The following TMCC1 variants were observed in gnomAD, a reference collection of about 807,000 sequenced individuals.
TMCC1 encodes transmembrane and coiled-coil domains protein 1.
TMCC1 carries 15 observed loss-of-function variants against 52.4 expected under a neutral mutation model. That is an observed-to-expected ratio of 0.29 (90% CI 0.19 to 0.44). TMCC1 has a LOEUF of 0.44. Among genes scored for constraint, TMCC1 ranks in the 20% least tolerant of loss-of-function variants. The probability of loss-of-function intolerance (pLI) is 1.00; values close to 1 mark genes in which losing one functional copy is unlikely to be tolerated. For missense variants in TMCC1, 503 were observed against 806.0 expected, an observed-to-expected ratio of 0.62 and a Z score of 4.55; for synonymous variants, 279 against 301.9, an observed-to-expected ratio of 0.92 and a Z score of 0.79.
At chr3:129,882,755 T>C (rs1418226958) in intron 1 of TMCC1, among the ~76,000 whole-genome samples, 1 of 152,146 alleles carries the variant, frequency 6.6e-6, no homozygotes, top group Non-Finnish European at 1.5e-5. Flanking sequence ...TTATATTAAG[T>C]GACAGGAGAC....
intron 1 of TMCC1, chr3:129,892,822 T>C (rs1254473107): frequency 1.3e-5 from 2 of 152,170 alleles, no homozygotes; most frequent in Non-Finnish European, 2.9e-5. Context: ...TCGCAAGCTA[T>C]AAACGAATCT....
At chr3:129,765,364 A>C (rs1229241593) in intron 4 of TMCC1, among the ~76,000 whole-genome samples, 1 of 152,062 alleles carries the variant, frequency 6.6e-6, no homozygotes, top group African/African-American at 2.4e-5. Flanking sequence ...TGAGTAGAAA[A>C]ATGCTTTTAA....
chr3:129,682,373 C>A (rs1292794746), intron 4 of TMCC1, among the ~76,000 whole-genome samples: 1 of 152,120 alleles, frequency 6.6e-6, no homozygotes, highest in Admixed American at 6.5e-5. Context: ...AAATGAAATA[C>A]TCAAATAATG....
chr3:129,880,451 G>A lies in TMCC1; in HGVS notation c.-326C>T, dbSNP rs2061409585. ...TATGAAAAAGAGATCCAATCTGGGAGGATGGACACTGTGTCTTCTAAATCT... is the reference window on the plus strand; with the variant it reads ...TATGAAAAAGAGATCCAATCTGGGAAGATGGACACTGTGTCTTCTAAATCT... On this transcript the variant is annotated 5_prime_UTR_variant, in exon 2 of 7. Coordinates refer to ENST00000393238, the MANE Select transcript of TMCC1 (RefSeq NM_001017395.5). The A allele has an allele frequency of 6.6e-6, 1 of 152,206 alleles. No homozygotes were observed. The highest frequency in any genetic ancestry group is 2.4e-5 in the African/African-American group (1 of 41,452). 9.4% of individuals were successfully genotyped at this position (152,206 alleles called of 1,614,324 possible).
rs758140069 is a variant in TMCC1 at position 129,670,678 on chromosome 3, T to A, written c.1163A>T (p.Asn388Ile). ...CCCTTCCTCTAAAGAGTCCTTCAGG[T>A]TGGGGATGTTGTCTGCACTGCCAAA... ...NKFGSADNIP[N>I]LKDSLEEGQV... Residue 388 changes from asparagine (N) to isoleucine (I), a missense_variant, in exon 5 of 7, where the codon AAC becomes ATC. Asn to Ile is a moderately radical substitution (Grantham distance 149). This residue lies in a region of TMCC1 where 38 missense variants were observed against 29.8 expected (regional missense o/e 1.28). Coordinates refer to ENST00000393238, the MANE Select transcript of TMCC1 (RefSeq NM_001017395.5). 1.9e-6 allele frequency: 3 copies of A among 1,614,074 alleles called. No homozygotes were observed. Among genetic ancestry groups the A allele is most frequent in the Non-Finnish European group, 2.5e-6 (3 of 1,180,038 alleles).
chr3:129,651,183 C>G lies in TMCC1; in HGVS notation c.*298G>C. The G allele has an allele frequency of 5.9e-6, 2 of 337,200 alleles. No homozygotes were observed. The highest frequency in any genetic ancestry group is 8.1e-5 in the South Asian group (2 of 24,778). 20.9% of individuals were successfully genotyped at this position (337,200 alleles called of 1,614,324 possible). A position where few individuals can be genotyped will look rare whatever the true frequency, so the allele number is the denominator to read the frequency against. On this transcript the variant is annotated 3_prime_UTR_variant, in exon 7 of 7. Coordinates refer to ENST00000393238, the MANE Select transcript of TMCC1 (RefSeq NM_001017395.5). The surrounding 1 kb of genome is among the most constrained non-coding windows in gnomAD (Gnocchi z 5.1). ...CCTTCAAGCCACAATTTAGATTGCC[C>G]TTCGGTGTGCTCCAGATTGTTGGTT...
chr3:129,678,823 ATG>A (rs2088705310), intron 4 of TMCC1, among the ~76,000 whole-genome samples: 1 of 152,206 alleles, frequency 6.6e-6, no homozygotes, highest in Non-Finnish European at 1.5e-5. Flanking sequence ...GCTACAGAGT[ATG>A]TGTTATTAAC....
In TMCC1 at chr3:129,794,305, T is replaced by C. The variant is rs561547740; in HGVS notation, c.576+33498A>G. Reference sequence around the variant, plus strand: ...AGTGAGAGTTTCCCCTCCACAAACATAGAAAACTACCAACCCACCTTGGAT... The same window carrying C: ...AGTGAGAGTTTCCCCTCCACAAACACAGAAAACTACCAACCCACCTTGGAT... On this transcript the variant is annotated intron_variant, in intron 4 of 6. Coordinates refer to ENST00000393238, the MANE Select transcript of TMCC1 (RefSeq NM_001017395.5). 383 of 456,172 alleles carry C rather than the reference T, an allele frequency of 8.4e-4. 6 individuals are homozygous for C. Among genetic ancestry groups the C allele is most frequent in the South Asian group, 2.8e-3 (182 of 64,556 alleles). The allele number at this position is 456,172 out of a possible 1,614,324, so 28.3% of individuals were successfully genotyped here.
chr3:129,788,931 ATTTAAGCCTCCTAGAAG>A (rs2056249580), intron 4 of TMCC1, among the ~76,000 whole-genome samples: 1 of 152,250 alleles, frequency 6.6e-6, no homozygotes. Flanking sequence ...ATGTTACCTG[ATTTAAGCCTCCTAGAAG>A]TGGGTTAATG....
chr3:129,763,405 G>A (rs1020799419), intron 4 of TMCC1, among the ~76,000 whole-genome samples: 1 of 149,032 alleles, frequency 6.7e-6, no homozygotes, highest in African/African-American at 2.5e-5. Context: ...AATTAGCCAG[G>A]TGTGGTGGAC....
chr3:129,848,632 T>A (rs2059773663), intron 2 of TMCC1, among the ~76,000 whole-genome samples: 1 of 152,154 alleles, frequency 6.6e-6, no homozygotes, highest in Non-Finnish European at 1.5e-5. Flanking sequence ...CCCTTATAGT[T>A]GAAAGTACAC....
At chr3:129,794,461 G>A (rs1027916678) in intron 4 of TMCC1, 1 of 446,374 alleles carries the variant, frequency 2.2e-6, no homozygotes, top group Non-Finnish European at 4.5e-6. Flanking sequence ...AAGACTGCCA[G>A]AGAAGTGCAA....
In TMCC1 at chr3:129,688,688, G is replaced by A. The variant is rs1410813287; in HGVS notation, c.577-17424C>T. 16 of 985,282 alleles carry A rather than the reference G, an allele frequency of 1.6e-5. No homozygotes were observed. In the South Asian group the frequency reaches 3.8e-4, roughly 23 times the overall value. The allele number at this position is 985,282 out of a possible 1,614,324, so 61.0% of individuals were successfully genotyped here. A position where few individuals can be genotyped will look rare whatever the true frequency, so the allele number is the denominator to read the frequency against. ...GAAAGCTTCTGCCAAACAAGCATCC[G>A]TGTGTGTGCGCGCGCACGCAGTTTG... On this transcript the variant is annotated intron_variant, in intron 4 of 6. Coordinates refer to ENST00000393238, the MANE Select transcript of TMCC1 (RefSeq NM_001017395.5).
At chr3:129,812,364 A>G (rs1432099969) in intron 4 of TMCC1, among the ~76,000 whole-genome samples, 1 of 148,874 alleles carries the variant, frequency 6.7e-6, no homozygotes, top group Non-Finnish European at 1.5e-5. Context: ...AAAAAAGCCA[A>G]TGAGAAAAAA....
At chr3:129,865,979 C>A (rs186450177) in intron 2 of TMCC1, among the ~76,000 whole-genome samples, 65 of 152,164 alleles carry the variant, frequency 4.3e-4, no homozygotes, top group Non-Finnish European at 7.9e-4. Context: ...TGAGTGTCAT[C>A]TACATGAAGC....
chr3:129,737,117 A>G (rs1307576013), intron 4 of TMCC1, among the ~76,000 whole-genome samples: 4 of 152,168 alleles, frequency 2.6e-5, no homozygotes, highest in Non-Finnish European at 5.9e-5. Flanking sequence ...GCTTTTGGAA[A>G]GTGATTAAGT....
intron 4 of TMCC1, among the ~76,000 whole-genome samples, chr3:129,788,591 T>C (rs1346121071): frequency 6.6e-6 from 1 of 151,888 alleles, no homozygotes; most frequent in Non-Finnish European, 1.5e-5. Flanking sequence ...GCCTCCCCAG[T>C]AGCTGGGACT....
intron 4 of TMCC1, among the ~76,000 whole-genome samples, chr3:129,814,382 CA>C (rs1325536599): frequency 6.6e-6 from 1 of 151,278 alleles, no homozygotes; most frequent in East Asian, 1.9e-4. Context: ...TCATGGTAAC[CA>C]AAATACAAAA....
intron 4 of TMCC1, among the ~76,000 whole-genome samples, chr3:129,739,440 T>A (rs1165098276): frequency 6.6e-6 from 1 of 152,176 alleles, no homozygotes; most frequent in Non-Finnish European, 1.5e-5. Flanking sequence ...GTGCTGAGAT[T>A]GCGTGAGCCA....
Sources: gnomAD v4.1 joint callset for allele counts (sites outside exome capture counted in the v4.1 genomes callset) on GRCh38, gnomAD v4.1.1 for gene constraint, gnomAD v4.1.1 regional missense constraint, Gnocchi (gnomAD v3.1) non-coding constraint, MANE v1.5 for transcripts, NCBI Gene and HGNC (gene_info 2026-07-23, HGNC 2026-07-21) for gene names.